The following SMYD3 variants were observed in gnomAD, a reference collection of about 807,000 sequenced individuals.
The protein encoded by SMYD3 is histone-lysine N-methyltransferase SMYD3.
In SMYD3, 36 loss-of-function variants were observed where a neutral mutation model predicts 57.7. The ratio of observed to expected loss-of-function variants is 0.62; its 90% CI spans 0.48 to 0.82. The LOEUF is 0.82. SMYD3 is among the 40% of genes least tolerant of loss of function. The pLI, the probability that SMYD3 is intolerant of heterozygous loss-of-function variation, is 0.00. For missense variants in SMYD3, 515 were observed against 538.8 expected, an observed-to-expected ratio of 0.96 and a Z score of 0.44; for synonymous variants, 211 against 195.0, an observed-to-expected ratio of 1.08 and a Z score of -0.68.
chr1:246,331,749 C>A (rs2065465669), intron 3 of SMYD3, among the ~76,000 whole-genome samples: 1 of 152,202 alleles, frequency 6.6e-6, no homozygotes, highest in Non-Finnish European at 1.5e-5. Context: ...CTGTCCATAC[C>A]ATTTTTCTAA....
At chr1:245,903,574 G>T (rs1261162892) in intron 8 of SMYD3, among the ~76,000 whole-genome samples, 1 of 152,142 alleles carries the variant, frequency 6.6e-6, no homozygotes, top group Non-Finnish European at 1.5e-5. Context: ...GCGAAAAGGG[G>T]CACTGAAGAC....
At chr1:246,116,384 C>T (rs4081326) in intron 5 of SMYD3, among the ~76,000 whole-genome samples, 102,809 of 152,046 alleles carry the variant, frequency 0.68, 36,424 homozygotes, top group Admixed American at 0.82. Flanking sequence ...AACAAGTCAA[C>T]AGATTAAATT....
At chr1:245,850,839 A>G (rs1288942874) in intron 10 of SMYD3, among the ~76,000 whole-genome samples, 3 of 152,172 alleles carry the variant, frequency 2.0e-5, no homozygotes, top group Non-Finnish European at 4.4e-5. Context: ...GTGGCCAACT[A>G]GCACCCATCA....
intron 10 of SMYD3, among the ~76,000 whole-genome samples, chr1:245,777,292 G>A (rs778708339): frequency 6.6e-6 from 1 of 152,176 alleles, no homozygotes; most frequent in Non-Finnish European, 1.5e-5. Flanking sequence ...ATGGTGTAAA[G>A]TAATTAGTAG....
At chr1:246,498,532 G>A (rs1348481211) in intron 1 of SMYD3, among the ~76,000 whole-genome samples, 3 of 152,132 alleles carry the variant, frequency 2.0e-5, no homozygotes, top group Non-Finnish European at 4.4e-5. Flanking sequence ...AGGAGATCGA[G>A]ACCATCCTGG....
intron 1 of SMYD3, among the ~76,000 whole-genome samples, chr1:246,482,744 A>G (rs568697295): frequency 1.1e-4 from 16 of 152,340 alleles, no homozygotes; most frequent in Admixed American, 2.0e-4. Flanking sequence ...TTTTATAAAC[A>G]TAAGATACGA....
rs1180842241 is a variant in SMYD3 at position 245,843,652 on chromosome 1, A to G, written c.1076+14844T>C. 2.6e-5 allele frequency among the ~76,000 whole-genome samples: 4 copies of G among 152,124 alleles called. No individual in the cohort carries two copies. In the East Asian group the frequency reaches 7.7e-4, roughly 29 times the overall value. On this transcript the variant is annotated intron_variant, in intron 10 of 11. Coordinates refer to ENST00000490107, the MANE Select transcript of SMYD3 (RefSeq NM_001167740.2). Reference sequence around the variant, plus strand: ...CTTAAACCACCAAGTTACACAAAAAATTATAAGCAACCAAAGCTATACTAA... The same window carrying G: ...CTTAAACCACCAAGTTACACAAAAAGTTATAAGCAACCAAAGCTATACTAA...
chr1:245,990,065 T>G (rs2058784897), intron 5 of SMYD3, among the ~76,000 whole-genome samples: 2 of 152,134 alleles, frequency 1.3e-5, no homozygotes, highest in Non-Finnish European at 2.9e-5. Context: ...TCTTTTCAGA[T>G]TTTATTATTT....
Position 245,767,750 on chromosome 1 carries a change from C to G in SMYD3, c.1077-3601G>C, listed in dbSNP as rs1022661688. ...AGGCCAGGCTGTGCAGAGGCACACA[C>G]ACGTGCAAAGCTAGGAACTCTGGAC... On this transcript the variant is annotated intron_variant, in intron 10 of 11. Coordinates refer to ENST00000490107, the MANE Select transcript of SMYD3 (RefSeq NM_001167740.2). 3.3e-5 allele frequency among the ~76,000 whole-genome samples: 5 copies of G among 152,218 alleles called. No individual in the cohort carries two copies. In the East Asian group the frequency reaches 9.6e-4, roughly 29 times the overall value.
intron 5 of SMYD3, among the ~76,000 whole-genome samples, chr1:246,163,251 G>A (rs1197830335): frequency 6.6e-6 from 1 of 152,118 alleles, no homozygotes; most frequent in African/African-American, 2.4e-5. Flanking sequence ...TTTCCAGCTT[G>A]CCTTGATTTT....
intron 10 of SMYD3, among the ~76,000 whole-genome samples, chr1:245,853,316 G>C (rs762757223): frequency 6.6e-6 from 1 of 152,212 alleles, no homozygotes; most frequent in Non-Finnish European, 1.5e-5. Flanking sequence ...CGTTGTCAGA[G>C]ACAATGACAC....
At chr1:246,209,452 A>G (rs893906936) in intron 5 of SMYD3, among the ~76,000 whole-genome samples, 3 of 152,048 alleles carry the variant, frequency 2.0e-5, no homozygotes, top group Non-Finnish European at 2.9e-5. Context: ...CAAGAGGGGG[A>G]AAAAAAGAGT....
intron 5 of SMYD3, among the ~76,000 whole-genome samples, chr1:246,157,545 C>A (rs2062040709): frequency 6.6e-6 from 1 of 152,170 alleles, no homozygotes; most frequent in South Asian, 2.1e-4. Flanking sequence ...ATGCAAAAGG[C>A]CTAATTCAAT....
intron 10 of SMYD3, among the ~76,000 whole-genome samples, chr1:245,769,398 T>A (rs2046247382): frequency 6.6e-6 from 1 of 152,020 alleles, no homozygotes; most frequent in South Asian, 2.1e-4. Context: ...CAAAGTCAAA[T>A]CCCATTTCAT....
At chr1:246,317,845 G>A (rs569843683) in intron 5 of SMYD3, among the ~76,000 whole-genome samples, 41 of 151,710 alleles carry the variant, frequency 2.7e-4, no homozygotes, top group African/African-American at 9.4e-4. Context: ...AGGCAGTTGT[G>A]ACTCACTTTT....
chr1:246,315,357 G>A (rs191106105), intron 5 of SMYD3, among the ~76,000 whole-genome samples: 7 of 152,190 alleles, frequency 4.6e-5, no homozygotes, highest in African/African-American at 1.7e-4. Flanking sequence ...AAAAGGGAAA[G>A]CTCAATCCTA....
At chr1:246,014,934 T>C (rs2059351133) in intron 5 of SMYD3, among the ~76,000 whole-genome samples, 1 of 152,126 alleles carries the variant, frequency 6.6e-6, no homozygotes. Flanking sequence ...CTCTGGCTCT[T>C]TCCCTGCGTC....
intron 5 of SMYD3, among the ~76,000 whole-genome samples, chr1:245,981,215 G>A (rs1207319311): frequency 6.6e-6 from 1 of 152,202 alleles, no homozygotes; most frequent in Non-Finnish European, 1.5e-5. Flanking sequence ...TGAGGTTTTA[G>A]GACAGGTAGT....
At chr1:246,279,536 CA>C (rs781535551) in intron 5 of SMYD3, among the ~76,000 whole-genome samples, 1 of 150,506 alleles carries the variant, frequency 6.6e-6, no homozygotes, top group Non-Finnish European at 1.5e-5. Flanking sequence ...AAAACAAAAA[CA>C]AAAAAAAAGA....
Sources: gnomAD v4.1 joint callset for allele counts (sites outside exome capture counted in the v4.1 genomes callset) on GRCh38, gnomAD v4.1.1 for gene constraint, MANE v1.5 for transcripts, NCBI Gene and HGNC (gene_info 2026-07-23, HGNC 2026-07-21) for gene names.